The following ARL15 variants were observed in gnomAD, a reference collection of about 807,000 sequenced individuals.
ARL15 encodes the protein ADP-ribosylation factor-like protein 15.
Under a neutral mutation model 25.2 loss-of-function variants are expected in ARL15, and 19 were observed. That is an observed-to-expected ratio of 0.75 (90% CI 0.53 to 1.10). The LOEUF (loss-of-function observed/expected upper bound fraction) is 1.10. Among genes scored for constraint, ARL15 ranks in the 50% least tolerant of loss-of-function variants. The pLI is 0.00. For synonymous variants in ARL15, 94 were observed against 86.8 expected (o/e 1.08, Z -0.46); for missense variants, 220 against 246.0 (o/e 0.89, Z 0.71).
intron 1 of ARL15, among the ~76,000 whole-genome samples, chr5:54,292,365 A>C (rs1410038878): frequency 1.3e-5 from 2 of 152,200 alleles, no homozygotes; most frequent in Non-Finnish European, 2.9e-5. Context: ...TAAAGGCAGT[A>C]TAGTCATTGC....
intron 1 of ARL15, among the ~76,000 whole-genome samples, chr5:54,181,779 A>C (rs1297603680): frequency 2.0e-5 from 3 of 152,036 alleles, no homozygotes; most frequent in African/African-American, 7.2e-5. Flanking sequence ...TCAAAAGAAA[A>C]ATTTATTTCT....
intron 4 of ARL15, among the ~76,000 whole-genome samples, chr5:53,984,496 A>G (rs116425210): frequency 0.014 from 2,191 of 152,268 alleles, 66 homozygotes; most frequent in African/African-American, 0.051. Flanking sequence ...ATGGTAATGA[A>G]AAAAACCTCT....
chr5:54,094,187 C>T (rs1752215920), intron 4 of ARL15, among the ~76,000 whole-genome samples: 1 of 152,114 alleles, frequency 6.6e-6, no homozygotes, highest in African/African-American at 2.4e-5. Context: ...AAATTTGTGA[C>T]TTCCTAGACC....
intron 4 of ARL15, among the ~76,000 whole-genome samples, chr5:53,922,548 G>A (rs575677663): frequency 1.3e-5 from 2 of 152,290 alleles, no homozygotes; most frequent in African/African-American, 4.8e-5. Context: ...CAGAATGAAC[G>A]TTGGTGGCAG....
chr5:54,096,087 GATA>G lies in ARL15; in HGVS notation c.462+17112_462+17114del, dbSNP rs200488414. 3.9e-3 allele frequency among the ~76,000 whole-genome samples: 595 copies of G among 152,104 alleles called. 3 individuals are homozygous for G. The highest frequency in any genetic ancestry group is 0.014 in the South Asian group (69 of 4,822). ...CTTTCATTTATAAAATGGATAAGGAGATAATACCACATTTCCCAGAACAATCAG... is the reference window on the plus strand; with the variant it reads ...CTTTCATTTATAAAATGGATAAGGAGATACCACATTTCCCAGAACAATCAG... On this transcript the variant is annotated intron_variant, in intron 4 of 4. Transcript: ENST00000504924.
intron 4 of ARL15, 198 bp downstream of exon 4, chr5:54,113,004 G>A (rs1368935001): frequency 1.5e-5 from 8 of 542,468 alleles, no homozygotes; most frequent in Non-Finnish European, 2.6e-5. Flanking sequence ...AAAACTCTGT[G>A]CTCTCCAAGT....
At chr5:54,284,819 T>C (rs1758146210) in intron 1 of ARL15, among the ~76,000 whole-genome samples, 2 of 152,234 alleles carry the variant, frequency 1.3e-5, no homozygotes, top group Admixed American at 6.5e-5. Context: ...TTGCCCCAGC[T>C]TGTAAATTCA....
rs190586483 is a variant in ARL15, at chr5:54,186,186, C to T, written c.49-14258G>A. Among the ~76,000 whole-genome samples the T allele has an allele frequency of 1.5e-3, 228 of 152,308 alleles. 2 individuals are homozygous for T. The highest frequency in any genetic ancestry group is 3.2e-3 in the Admixed American group (49 of 15,292). ...AGCAGAAGTGTCCGTAATCCCTGTA[C>T]ATCCTCAAATCACACTGCTTTAACT... On this transcript the variant is annotated intron_variant, in intron 1 of 4. Transcript: ENST00000504924.
At chr5:54,203,573 G>A (rs1755779321) in intron 1 of ARL15, among the ~76,000 whole-genome samples, 1 of 152,008 alleles carries the variant, frequency 6.6e-6, no homozygotes, top group East Asian at 1.9e-4. Context: ...AATATCCAAT[G>A]ACTAAAGTCA....
chr5:53,923,917 A>G (rs1745935245), intron 4 of ARL15, among the ~76,000 whole-genome samples: 1 of 152,212 alleles, frequency 6.6e-6, no homozygotes. Flanking sequence ...CAGACCAAGT[A>G]AACACTGTAA....
At chr5:54,272,850 A>G (rs988715650) in intron 1 of ARL15, among the ~76,000 whole-genome samples, 4 of 152,226 alleles carry the variant, frequency 2.6e-5, no homozygotes, top group East Asian at 3.8e-4. Flanking sequence ...TATGCTTGCA[A>G]TTATAGCCAC....
intron 4 of ARL15, among the ~76,000 whole-genome samples, chr5:54,112,433 T>C (rs147150343): frequency 2.6e-5 from 4 of 152,260 alleles, no homozygotes; most frequent in Admixed American, 6.5e-5. Flanking sequence ...TGAGGAAGCA[T>C]GCAATTTTCT....
intron 1 of ARL15, among the ~76,000 whole-genome samples, chr5:54,223,013 A>C (rs1756421193): frequency 7.1e-6 from 1 of 141,368 alleles, no homozygotes; most frequent in Non-Finnish European, 1.5e-5. Flanking sequence ...TTTAAGAGAC[A>C]GGGTTTCACC....
At chr5:53,915,206 G>A (rs1340451640) in intron 4 of ARL15, among the ~76,000 whole-genome samples, 1 of 152,198 alleles carries the variant, frequency 6.6e-6, no homozygotes, top group Non-Finnish European at 1.5e-5. Flanking sequence ...CAAACTACTA[G>A]GGGGAGGAGA....
intron 1 of ARL15, among the ~76,000 whole-genome samples, chr5:54,212,149 G>A (rs867751497): frequency 1.3e-5 from 2 of 152,150 alleles, no homozygotes; most frequent in Non-Finnish European, 2.9e-5. Context: ...CAGTCAATAC[G>A]TGGCTGTGTT....
At chr5:53,941,469 T>C (rs1271810882) in intron 4 of ARL15, among the ~76,000 whole-genome samples, 1 of 152,226 alleles carries the variant, frequency 6.6e-6, no homozygotes, top group African/African-American at 2.4e-5. Context: ...GCAAGGATTA[T>C]TGGGTTTAGA....
chr5:54,056,403 G>A (rs1028411398), intron 4 of ARL15, among the ~76,000 whole-genome samples: 1 of 151,948 alleles, frequency 6.6e-6, no homozygotes. Context: ...AGGCTGAGGT[G>A]AGCGGATCAC....
intron 1 of ARL15, among the ~76,000 whole-genome samples, chr5:54,284,741 T>C (rs1209118659): frequency 6.6e-6 from 1 of 152,238 alleles, no homozygotes; most frequent in African/African-American, 2.4e-5. Context: ...TCATTCTCTC[T>C]AATCTCTAAT....
intron 4 of ARL15, among the ~76,000 whole-genome samples, chr5:54,046,485 T>C (rs933315016): frequency 2.0e-5 from 3 of 151,512 alleles, no homozygotes; most frequent in Non-Finnish European, 2.9e-5. Context: ...TGTCTCAAAA[T>C]ACATAAGCAG....
Sources: gnomAD v4.1 joint callset for allele counts (sites outside exome capture counted in the v4.1 genomes callset) on GRCh38, gnomAD v4.1.1 for gene constraint, MANE v1.5 for transcripts, NCBI Gene and HGNC (gene_info 2026-07-23, HGNC 2026-07-21) for gene names.